Variants in HTR2C observed in about 807,000 individuals in gnomAD.
HTR2C encodes 5-hydroxytryptamine (serotonin) receptor 2C, G protein-coupled.
HTR2C carries 5 observed loss-of-function variants against 21.0 expected under a neutral mutation model. The observed-to-expected ratio is 0.24, with a 90% CI of 0.12 to 0.50. The LOEUF (loss-of-function observed/expected upper bound fraction) is 0.50. Ranked by LOEUF, HTR2C falls within the 20% of genes least tolerant of loss-of-function variation. HTR2C has a pLI of 0.98. For synonymous variants in HTR2C, 150 were observed against 145.3 expected (o/e 1.03, Z -0.23); for missense variants, 271 against 371.2 (o/e 0.73, Z 2.22).
intron 5 of HTR2C, among the ~76,000 whole-genome samples, chrX:114,884,084 T>C (rs1225311183): frequency 2.7e-5 from 3 of 111,305 alleles, no homozygotes; most frequent in Non-Finnish European, 5.7e-5. Flanking sequence ...GATTCATTCA[T>C]GTTGTCACAA....
At chrX:114,854,459 A>G (rs782594754) in intron 5 of HTR2C, among the ~76,000 whole-genome samples, 140 of 111,235 alleles carry the variant, frequency 1.3e-3, no homozygotes, top group African/African-American at 2.1e-3. Context: ...CAGTTTTGAT[A>G]TATGAATATA....
chrX:114,620,778 A>T (rs1439358448), intron 2 of HTR2C, among the ~76,000 whole-genome samples: 1 of 112,207 alleles, frequency 8.9e-6, no homozygotes, highest in East Asian at 2.8e-4. Flanking sequence ...TATCCTGGTC[A>T]TGTTTCCTGT....
At chrX:114,709,148 G>A (rs1159493423) in intron 2 of HTR2C, among the ~76,000 whole-genome samples, 3 of 111,642 alleles carry the variant, frequency 2.7e-5, no homozygotes, top group Non-Finnish European at 3.8e-5. Flanking sequence ...TGGATGCAGA[G>A]ATACTCTTAA....
In HTR2C at chrX:114,644,362, A is replaced by AATATATATATATATATAT. The variant is rs782451317; in HGVS notation, c.-80+30510_-80+30527dup. On this transcript the variant is annotated intron_variant, in intron 2 of 5. Transcript: ENST00000276198. ...TCCATCTAAAATAAATAAATAAATA[A>AATATATATATATATATAT]ATATATATATATATATATATATATA... is the stretch of plus-strand genomic sequence containing the variant. 1.3e-4 allele frequency among the ~76,000 whole-genome samples: 5 copies of AATATATATATATATATAT among 38,250 alleles called. 1 individual carries two copies. Among genetic ancestry groups the AATATATATATATATATAT allele is most frequent in the African/African-American group, 2.6e-4 (2 of 7,760 alleles). 33.2% of individuals were successfully genotyped at this position (38,250 alleles called of 115,157 possible). A position where few individuals can be genotyped will look rare whatever the true frequency, so the allele number is the denominator to read the frequency against.
At chrX:114,714,078 A>G (rs1556419488) in intron 2 of HTR2C, among the ~76,000 whole-genome samples, 2 of 112,068 alleles carry the variant, frequency 1.8e-5, no homozygotes, top group African/African-American at 6.5e-5. Flanking sequence ...AGCTTTAATT[A>G]CACTGAGGGG....
At chrX:114,669,649 C>T (rs782756228) in intron 2 of HTR2C, among the ~76,000 whole-genome samples, 12 of 111,700 alleles carry the variant, frequency 1.1e-4, no homozygotes, top group Middle Eastern at 4.2e-3. Context: ...GAGCCGAGAT[C>T]GCGCCACTGC....
chrX:114,633,947 T>TAGAGAGAGAG (rs59914358), intron 2 of HTR2C, among the ~76,000 whole-genome samples: 78 of 92,099 alleles, frequency 8.5e-4, no homozygotes, highest in East Asian at 2.2e-3. Flanking sequence ...TATATATATA[T>TAGAGAGAGAG]AGAGAGAGAG....
chrX:114,812,091 C>T (rs376242567), intron 4 of HTR2C, among the ~76,000 whole-genome samples: 1 of 110,066 alleles, frequency 9.1e-6, no homozygotes, highest in South Asian at 3.9e-4. Flanking sequence ...AAAGCTCTCT[C>T]TCCCCCTACC....
chrX:114,666,636 C>T, intron 2 of HTR2C, among the ~76,000 whole-genome samples: 1 of 111,028 alleles, frequency 9.0e-6, no homozygotes, highest in East Asian at 2.8e-4. Flanking sequence ...AGTAGTTGAA[C>T]ACTCACTTTT....
intron 4 of HTR2C, among the ~76,000 whole-genome samples, chrX:114,735,050 A>G (rs2069577111): frequency 9.0e-6 from 1 of 111,242 alleles, no homozygotes; most frequent in South Asian, 3.8e-4. Context: ...CATGCCTTTA[A>G]TCTCAGCACT....
In HTR2C at chrX:114,906,766, G is replaced by T; in HGVS notation, c.728G>T (p.Arg243Leu). 2 of 1,211,069 alleles carry T rather than the reference G, an allele frequency of 1.7e-6. No homozygotes were observed. Among genetic ancestry groups the T allele is most frequent in the South Asian group, 1.8e-5 (1 of 56,894 alleles). The change falls in exon 6 of 6, where the codon CGA becomes CTA. Residue 243 changes from arginine to leucine, a missense_variant. Around this residue, in one of 5 missense-constraint regions of HTR2C, gnomAD observed 192 missense variants for 247.2 expected, o/e 0.78. Transcript: ENST00000276198. The part of the protein sequence containing the change: ...TYCLTIYVLR[R>L]QALMLLHGHT... ...TGCCTGACCATCTACGTTCTGCGCC[G>T]ACAAGCTTTGATGTTACTGCACGGC...
chrX:114,863,013 G>T (rs782745171), intron 5 of HTR2C, among the ~76,000 whole-genome samples: 2 of 111,072 alleles, frequency 1.8e-5, no homozygotes, highest in South Asian at 7.5e-4. Flanking sequence ...TACTGCAAAT[G>T]ACAGGATTTC....
Position 114,902,666 on chromosome X carries a change from A to C in HTR2C, c.551-3923A>C, listed in dbSNP as rs782494529. Among the ~76,000 whole-genome samples, 14 of 110,717 alleles carry C rather than the reference A, an allele frequency of 1.3e-4. No homozygotes were observed. In the South Asian group the frequency reaches 5.0e-3, roughly 39 times the overall value. ...TGTTCTGTCACCCAGGCTGGAGTGCAGTGGCGGGATCTCGGCTCACTGCAA... is the reference window on the plus strand; with the variant it reads ...TGTTCTGTCACCCAGGCTGGAGTGCCGTGGCGGGATCTCGGCTCACTGCAA... On this transcript the variant is annotated intron_variant, in intron 5 of 5. Coordinates refer to ENST00000276198, the MANE Select transcript of HTR2C (RefSeq NM_000868.4).
chrX:114,874,406 G>T (rs1230252900), intron 5 of HTR2C, among the ~76,000 whole-genome samples: 1 of 111,545 alleles, frequency 9.0e-6, no homozygotes, highest in Non-Finnish European at 1.9e-5. Flanking sequence ...TATCAAAAGC[G>T]TGCAAGTGTT....
intron 2 of HTR2C, among the ~76,000 whole-genome samples, chrX:114,625,013 T>C (rs1041787371): frequency 8.9e-6 from 1 of 111,820 alleles, no homozygotes; most frequent in Non-Finnish European, 1.9e-5. Flanking sequence ...TATTTGGATA[T>C]AGTTTACATA....
intron 4 of HTR2C, among the ~76,000 whole-genome samples, chrX:114,755,205 A>C (rs1007628802): frequency 2.9e-5 from 3 of 105,151 alleles, no homozygotes; most frequent in Non-Finnish European, 3.9e-5. Flanking sequence ...GCACCATTGC[A>C]CTCCAGCCTG....
intron 2 of HTR2C, among the ~76,000 whole-genome samples, chrX:114,660,540 T>C (rs1930946919): frequency 8.9e-6 from 1 of 112,624 alleles, no homozygotes; most frequent in Non-Finnish European, 1.9e-5. Context: ...CTCTAAATGG[T>C]ATTATTTCCA....
At chrX:114,876,954 C>T (rs1400860049) in intron 5 of HTR2C, among the ~76,000 whole-genome samples, 1 of 111,128 alleles carries the variant, frequency 9.0e-6, no homozygotes, top group African/African-American at 3.3e-5. Flanking sequence ...GTAATGCTGA[C>T]TTTGTAAAAT....
intron 4 of HTR2C, among the ~76,000 whole-genome samples, chrX:114,780,584 G>A (rs1286871121): frequency 9.0e-6 from 1 of 111,416 alleles, no homozygotes; most frequent in African/African-American, 3.3e-5. Flanking sequence ...TTAGAATTGA[G>A]GGGAGGAGTA....
Sources: allele counts gnomAD v4.1 joint callset (sites outside exome capture counted in the v4.1 genomes callset), GRCh38; gene constraint gnomAD v4.1.1; regional missense constraint gnomAD v4.1.1; transcripts MANE v1.5; gene names NCBI Gene and HGNC (gene_info 2026-07-23, HGNC 2026-07-21).